The following SRRM4 variants were observed in gnomAD, a reference collection of about 807,000 sequenced individuals.
The protein encoded by SRRM4 is serine/arginine repetitive matrix 4.
In SRRM4, 33 loss-of-function variants were observed where a neutral mutation model predicts 68.9. The ratio of observed to expected loss-of-function variants is 0.48; its 90% CI spans 0.36 to 0.64. SRRM4 has a LOEUF of 0.64. Ranked by LOEUF, SRRM4 falls within the 30% of genes least tolerant of loss-of-function variation. SRRM4 has a pLI of 0.00. For missense variants in SRRM4, 817 were observed against 827.1 expected, an observed-to-expected ratio of 0.99 and a Z score of 0.15; for synonymous variants, 318 against 318.8, an observed-to-expected ratio of 1.00 and a Z score of 0.03.
chr12:119,106,408 C>T (rs1367551318), intron 2 of SRRM4, among the ~76,000 whole-genome samples: 1 of 152,170 alleles, frequency 6.6e-6, no homozygotes, highest in South Asian at 2.1e-4. Context: ...GCAGTATGGC[C>T]ATTTTCATGA....
At chr12:119,017,500 C>T (rs566696078) in intron 1 of SRRM4, among the ~76,000 whole-genome samples, 13 of 152,200 alleles carry the variant, frequency 8.5e-5, no homozygotes, top group African/African-American at 2.7e-4. Flanking sequence ...ATGGCTGCTG[C>T]ATTCCCTGGG....
chr12:119,052,892 G>T lies in SRRM4; in HGVS notation c.132-49344G>T, dbSNP rs7953598. 4.0e-3 allele frequency among the ~76,000 whole-genome samples: 606 copies of T among 152,188 alleles called. 8 individuals are homozygous for T. The highest frequency in any genetic ancestry group is 0.014 in the African/African-American group (579 of 41,512). On this transcript the variant is annotated intron_variant, in intron 1 of 12. Transcript: ENST00000267260. ...GTGGCATAGGAAAGGAAGGTCCTTC[G>T]GTAATAAATAAATTGGAGATTGGAG...
chr12:118,988,175 C>G (rs548521255), intron 1 of SRRM4, among the ~76,000 whole-genome samples: 2 of 151,940 alleles, frequency 1.3e-5, no homozygotes, highest in Admixed American at 1.3e-4. Context: ...CATGGAGTCC[C>G]TTGCTTATAG....
At chr12:119,065,628 A>G (rs1212137409) in intron 1 of SRRM4, among the ~76,000 whole-genome samples, 2 of 152,114 alleles carry the variant, frequency 1.3e-5, no homozygotes, top group Non-Finnish European at 2.9e-5. Flanking sequence ...CCAGCTACTT[A>G]GGAGACTGAA....
intron 9 of SRRM4, among the ~76,000 whole-genome samples, 179 bp from the exon 10 acceptor site, chr12:119,150,838 G>A (rs990930743): frequency 5.9e-5 from 9 of 152,158 alleles, no homozygotes; most frequent in African/African-American, 2.2e-4. Flanking sequence ...GGTATCTTCT[G>A]TCTCTACTCC....
At chr12:119,032,177 A>G (rs1271702175) in intron 1 of SRRM4, among the ~76,000 whole-genome samples, 1 of 152,152 alleles carries the variant, frequency 6.6e-6, no homozygotes, top group Non-Finnish European at 1.5e-5. Context: ...CTGACTGGGA[A>G]TGAAGCGTCC....
chr12:118,985,765 G>A (rs574304815), intron 1 of SRRM4, among the ~76,000 whole-genome samples: 6 of 152,190 alleles, frequency 3.9e-5, no homozygotes, highest in Admixed American at 1.3e-4. Flanking sequence ...GTTTCAGCTC[G>A]GTGAAAACCT....
chr12:119,119,564 T>C (rs890066109), intron 4 of SRRM4, among the ~76,000 whole-genome samples: 4 of 152,006 alleles, frequency 2.6e-5, no homozygotes, highest in African/African-American at 9.7e-5. Flanking sequence ...TGGGTGATGC[T>C]GTTTGACTCT....
chr12:119,133,445 C>T (rs952914241), intron 8 of SRRM4, among the ~76,000 whole-genome samples: 1 of 152,148 alleles, frequency 6.6e-6, no homozygotes. Context: ...AGAGCCAAGA[C>T]CCCTGCTTCC....
chr12:119,155,823 T>G (rs752157723), intron 12 of SRRM4, among the ~76,000 whole-genome samples: 2 of 152,246 alleles, frequency 1.3e-5, no homozygotes, highest in Non-Finnish European at 2.9e-5. Flanking sequence ...CACACAGCTA[T>G]TAAGTGGCCA....
At position 119,156,521 on chromosome 12, in the gene SRRM4, A is replaced by G. The variant is rs1305613171; in HGVS notation, c.1559A>G (p.Tyr520Cys). The change falls in exon 13 of 13, where the codon TAT becomes TGT. Residue 520 changes from tyrosine (Y) to cysteine (C), a missense_variant. Tyr to Cys is a radical substitution (Grantham distance 194, BLOSUM62 -2). Coordinates refer to ENST00000267260, the MANE Select transcript of SRRM4 (RefSeq NM_194286.4). ...GCCCGGAAACGCCCCATCCCCTACT[A>G]TCGGCCCAGCCCCTCCTCATCCGGC... Reference protein sequence around the residue: ...TSARKRPIPYYRPSPSSSGSL... With the variant: ...TSARKRPIPYCRPSPSSSGSL... 6.2e-7 allele frequency: 1 copy of G among 1,609,350 alleles called. No individual in the cohort carries two copies. Among genetic ancestry groups the G allele is most frequent in the Admixed American group, 1.7e-5 (1 of 59,904 alleles).
chr12:119,040,244 G>T (rs1466849025), intron 1 of SRRM4, among the ~76,000 whole-genome samples: 2 of 151,582 alleles, frequency 1.3e-5, no homozygotes, highest in Non-Finnish European at 2.9e-5. Flanking sequence ...GTGGTATTTG[G>T]TTACATGAGT....
At chr12:119,094,965 C>T (rs944892847) in intron 1 of SRRM4, among the ~76,000 whole-genome samples, 1 of 152,170 alleles carries the variant, frequency 6.6e-6, no homozygotes, top group Non-Finnish European at 1.5e-5. Context: ...ATTTTTTATT[C>T]AATTTCTACT....
chr12:119,102,490 C>A, intron 2 of SRRM4, 108 bp downstream of exon 2: 1 of 824,608 alleles, frequency 1.2e-6, no homozygotes, highest in Non-Finnish European at 1.9e-6. Context: ...ACCCTTAAAT[C>A]AAGGGTTAGT....
intron 1 of SRRM4, among the ~76,000 whole-genome samples, chr12:118,997,828 C>CG (rs1267298022): frequency 6.6e-6 from 1 of 151,980 alleles, no homozygotes; most frequent in Non-Finnish European, 1.5e-5. Flanking sequence ...TCATTATCTC[C>CG]AGTTTACAGA....
intron 1 of SRRM4, among the ~76,000 whole-genome samples, chr12:119,034,618 T>A (rs2136007853): frequency 6.6e-6 from 1 of 152,360 alleles, no homozygotes; most frequent in South Asian, 2.1e-4. Flanking sequence ...TGTATTTTTA[T>A]TTTTCGTAGT....
intron 8 of SRRM4, among the ~76,000 whole-genome samples, chr12:119,144,941 AT>A (rs1270020398): frequency 6.6e-6 from 1 of 151,986 alleles, no homozygotes; most frequent in African/African-American, 2.4e-5. Flanking sequence ...ATCTGCTTTT[AT>A]TTTTAATTTC....
chr12:119,008,606 G>A (rs1321949704), intron 1 of SRRM4, among the ~76,000 whole-genome samples: 2 of 152,148 alleles, frequency 1.3e-5, no homozygotes, highest in African/African-American at 4.8e-5. Flanking sequence ...CCATGCCTCA[G>A]TTTACCCATC....
chr12:119,068,074 G>A (rs141569026), intron 1 of SRRM4, among the ~76,000 whole-genome samples: 151 of 152,340 alleles, frequency 9.9e-4, no homozygotes, highest in African/African-American at 2.4e-3. Context: ...GCCCAGGACC[G>A]TGGCAGCGTA....
Sources: allele counts gnomAD v4.1 joint callset (sites outside exome capture counted in the v4.1 genomes callset), GRCh38; gene constraint gnomAD v4.1.1; transcripts MANE v1.5; gene names NCBI Gene and HGNC (gene_info 2026-07-23, HGNC 2026-07-21).